Variants in PPP2CA observed in about 807,000 individuals in gnomAD.
The protein encoded by PPP2CA is protein phosphatase 2 catalytic subunit alpha.
Under a neutral mutation model 38.8 loss-of-function variants are expected in PPP2CA, and 5 were observed. That is an observed-to-expected ratio of 0.13 (90% CI 0.07 to 0.27). The LOEUF is 0.27. PPP2CA is among the 10% of genes least tolerant of loss of function. The pLI, the probability that PPP2CA is intolerant of heterozygous loss-of-function variation, is 1.00. For synonymous variants in PPP2CA, 152 were observed against 134.0 expected (o/e 1.13, Z -0.93); for missense variants, 88 against 389.7 (o/e 0.23, Z 6.52).
intron 1 of PPP2CA, among the ~76,000 whole-genome samples, chr5:134,219,672 T>G (rs1415399721): frequency 6.6e-6 from 1 of 152,022 alleles, no homozygotes; most frequent in Non-Finnish European, 1.5e-5. Context: ...TAAACCACAA[T>G]CCACAACAGA....
At chr5:134,210,341 G>A (rs1762177485) in intron 1 of PPP2CA, among the ~76,000 whole-genome samples, 1 of 152,018 alleles carries the variant, frequency 6.6e-6, no homozygotes, top group Non-Finnish European at 1.5e-5. Flanking sequence ...TGACATTTGA[G>A]GTTTTTTATT....
intron 1 of PPP2CA, among the ~76,000 whole-genome samples, chr5:134,212,310 G>C (rs186215557): frequency 1.8e-4 from 27 of 152,220 alleles, no homozygotes; most frequent in African/African-American, 6.5e-4. Context: ...GTCACATCTT[G>C]GTACTTCTAA....
Position 134,201,000 on chromosome 5 carries a change from T to C in PPP2CA, c.561A>G (p.Gln187=), listed in dbSNP as rs568968250. The C allele has an allele frequency of 1.9e-6, 3 of 1,610,240 alleles. No individual in the cohort carries two copies. Among genetic ancestry groups the C allele is most frequent in the South Asian group, 2.2e-5 (2 of 91,002 alleles). The stretch of plus-strand genomic sequence containing the variant: ...AAAGTCATACCTCATGGGGAACTTC[T>C]TGTAGGCGATCAAGTGCTCTGATAT... ...LDHIRALDRL[Q]EVPHEGPMCD... is the part of the protein sequence containing the mutation. Residue 187 remains glutamine (Q), a synonymous_variant, in exon 4 of 7, where the codon CAA becomes CAG. Transcript: ENST00000481195.
intron 3 of PPP2CA, among the ~76,000 whole-genome samples, chr5:134,201,380 C>CT (rs766498399): frequency 5.3e-5 from 8 of 152,248 alleles, no homozygotes; most frequent in African/African-American, 1.2e-4. Context: ...ATTGAGTACA[C>CT]TCCTGTTCTT....
At chr5:134,213,113 C>T (rs1051433214) in intron 1 of PPP2CA, among the ~76,000 whole-genome samples, 1 of 152,182 alleles carries the variant, frequency 6.6e-6, no homozygotes, top group African/African-American at 2.4e-5. Flanking sequence ...GACGAAATAG[C>T]CTTCTAGTGG....
intron 1 of PPP2CA, among the ~76,000 whole-genome samples, chr5:134,220,508 A>G (rs1213333804): frequency 6.8e-6 from 1 of 147,634 alleles, no homozygotes; most frequent in Non-Finnish European, 1.5e-5. Context: ...TTCCTCCTTC[A>G]TGGTTCTCAT....
chr5:134,210,468 CT>C (rs1762180436), intron 1 of PPP2CA, among the ~76,000 whole-genome samples: 2 of 152,312 alleles, frequency 1.3e-5, no homozygotes, highest in African/African-American at 4.8e-5. Flanking sequence ...TTTGCTTCCC[CT>C]AAAACATTTT....
At chr5:134,217,695 T>C (rs1292309780) in intron 1 of PPP2CA, among the ~76,000 whole-genome samples, 1 of 152,222 alleles carries the variant, frequency 6.6e-6, no homozygotes, top group Non-Finnish European at 1.5e-5. Context: ...GTAGAACATA[T>C]TACTAGCCCT....
chr5:134,202,096 G>C, intron 2 of PPP2CA, 75 bp from the exon 3 acceptor site: 1 of 1,427,108 alleles, frequency 7.0e-7, no homozygotes, highest in African/African-American at 1.5e-5. Flanking sequence ...ACTTTCTATA[G>C]AAAAAAATGC....
In PPP2CA at chr5:134,195,422, A is replaced by G. The variant is rs1761827328; in HGVS notation, c.*2350T>C. On this transcript the variant is annotated 3_prime_UTR_variant, in exon 7 of 7. Transcript: ENST00000481195. The stretch of plus-strand genomic sequence containing the variant: ...GCCACCAAGCCCGGCTGATTTTCAT[A>G]TTTTTTGTAGAGATGGGGTTTTGCC... 6.6e-6 allele frequency: 1 copy of G among 151,928 alleles called. No homozygotes were observed. The allele number at this position is 151,928 out of a possible 1,614,324, so 9.4% of individuals were successfully genotyped here.
At chr5:134,219,041 T>A (rs1187166176) in intron 1 of PPP2CA, among the ~76,000 whole-genome samples, 1 of 152,228 alleles carries the variant, frequency 6.6e-6, no homozygotes, top group Non-Finnish European at 1.5e-5. Flanking sequence ...TTAAGCCTAT[T>A]TTATTAAGTA....
At chr5:134,205,885 C>G (rs1179577850) in intron 2 of PPP2CA, 37 bp downstream of exon 2, 1 of 1,557,394 alleles carries the variant, frequency 6.4e-7, no homozygotes, top group African/African-American at 1.4e-5. Flanking sequence ...GACTGTCTTA[C>G]CCATTTCAAC....
chr5:134,202,484 A>C, intron 2 of PPP2CA: 1 of 154,304 alleles, frequency 6.5e-6, no homozygotes, highest in Non-Finnish European at 1.4e-5. Flanking sequence ...TGGAATACAA[A>C]ATGTAGTCTT....
At chr5:134,222,154 A>T (rs988554279) in intron 1 of PPP2CA, among the ~76,000 whole-genome samples, 4 of 152,128 alleles carry the variant, frequency 2.6e-5, no homozygotes, top group African/African-American at 9.7e-5. Flanking sequence ...TAGCCCCTTT[A>T]GTCAAGTCAC....
At chr5:134,214,060 C>T (rs903877153) in intron 1 of PPP2CA, among the ~76,000 whole-genome samples, 5 of 152,068 alleles carry the variant, frequency 3.3e-5, no homozygotes, top group African/African-American at 1.2e-4. Flanking sequence ...ACCCAGGAGG[C>T]AGAGGTTGCA....
chr5:134,212,974 C>T (rs1580645982), intron 1 of PPP2CA, among the ~76,000 whole-genome samples: 1 of 152,168 alleles, frequency 6.6e-6, no homozygotes, highest in African/African-American at 2.4e-5. Flanking sequence ...TTTAAGAACC[C>T]ATTTCCATAA....
At chr5:134,209,287 A>G (rs1461934549) in intron 1 of PPP2CA, among the ~76,000 whole-genome samples, 1 of 152,136 alleles carries the variant, frequency 6.6e-6, no homozygotes, top group East Asian at 1.9e-4. Context: ...GGGAAAAAAA[A>G]AAAATCATCC....
intron 1 of PPP2CA, among the ~76,000 whole-genome samples, chr5:134,209,131 G>C (rs906023482): frequency 6.6e-6 from 1 of 152,138 alleles, no homozygotes; most frequent in African/African-American, 2.4e-5. Flanking sequence ...TAACTCTTAA[G>C]TGAAATTTCT....
rs10578851 is a variant in PPP2CA at position 134,220,010 on chromosome 5, C to CA, written c.102+5749dup. ...TGGGCAACAGAGCGAGGCTCCGTAT[C>CA]AAAAAAAAAAAAAAAAAAAAAGCAG... On this transcript the variant is annotated intron_variant, in intron 1 of 6. Transcript: ENST00000481195. 9.3e-3 allele frequency among the ~76,000 whole-genome samples: 962 copies of CA among 103,476 alleles called. 16 individuals carry two copies. The highest frequency in any genetic ancestry group is 0.052 in the Admixed American group (532 of 10,176). 67.9% of individuals were successfully genotyped at this position (103,476 alleles called of 152,430 possible).
Sources: gnomAD v4.1 joint callset for allele counts (sites outside exome capture counted in the v4.1 genomes callset) on GRCh38, gnomAD v4.1.1 for gene constraint, MANE v1.5 for transcripts, NCBI Gene and HGNC (gene_info 2026-07-23, HGNC 2026-07-21) for gene names.